Variants in KDM6B observed in about 807,000 individuals in gnomAD.
KDM6B encodes the protein lysine demethylase 6B.
KDM6B carries 22 observed loss-of-function variants against 150.4 expected under a neutral mutation model. That is an observed-to-expected ratio of 0.15 (90% CI 0.10 to 0.21). The LOEUF (loss-of-function observed/expected upper bound fraction) is 0.21. KDM6B is among the 10% of genes least tolerant of loss of function. The pLI is 1.00. For synonymous variants in KDM6B, 1,148 were observed against 921.1 expected, an observed-to-expected ratio of 1.25 and a Z score of -4.46; for missense variants, 1,984 against 2,234.3, an observed-to-expected ratio of 0.89 and a Z score of 2.26.
Position 7,846,102 on chromosome 17 carries a change from T to C in KDM6B, c.261T>C (p.His87=), listed in dbSNP as rs1293560513. The C allele has an allele frequency of 7.6e-6, 10 of 1,324,286 alleles. No individual in the cohort carries two copies. The highest frequency in any genetic ancestry group is 1.0e-5 in the Non-Finnish European group (10 of 1,003,586). 82.0% of individuals were successfully genotyped at this position (1,324,286 alleles called of 1,614,324 possible). A position where few individuals can be genotyped will look rare whatever the true frequency, so the allele number is the denominator to read the frequency against. Residue 87 remains histidine (H), a synonymous_variant, in exon 7 of 24, where the codon CAT becomes CAC. Transcript: ENST00000448097. The part of the protein sequence containing the change: ...APGAPTPRPL[H]GKLESLHGCV... ...GGGCGCCCACTCCAAGACCCCTCCA[T>C]GGGAAGCTGGAATCCCTGCATGGCT...
At chr17:7,852,372 G>C in intron 20 of KDM6B, 36 bp downstream of exon 20, 2 of 1,597,676 alleles carry the variant, frequency 1.3e-6, no homozygotes, top group Non-Finnish European at 1.7e-6. Flanking sequence ...GTGGTGTGGC[G>C]CCTCAGCGGC....
chr17:7,850,258 G>A, intron 14 of KDM6B, 81 bp downstream of exon 14: 2 of 1,156,292 alleles, frequency 1.7e-6, no homozygotes, highest in South Asian at 1.4e-5. Flanking sequence ...TCCCACACTT[G>A]AAGACTCATG....
chr17:7,845,414 G>A lies in KDM6B; in HGVS notation c.-48G>A, dbSNP rs895747854. ...TCGTCCCAGAGAGCTGGGGCAGGGG[G>A]CCGTGCCCAATCTCCAGGGCTCCTG... On this transcript the variant is annotated 5_prime_UTR_variant, in exon 4 of 24. Coordinates refer to ENST00000448097, the MANE Select transcript of KDM6B (RefSeq NM_001348716.2). The A allele has an allele frequency of 2.9e-6, 3 of 1,030,794 alleles. No homozygotes were observed. The highest frequency in any genetic ancestry group is 1.6e-5 in the African/African-American group (1 of 63,578). 63.9% of individuals were successfully genotyped at this position (1,030,794 alleles called of 1,614,324 possible).
In KDM6B at chr17:7,845,911, C is replaced by T. The variant is rs1267677891; in HGVS notation, c.177C>T (p.Pro59=). Residue 59 remains proline (P), a synonymous_variant, in exon 6 of 24, where the codon CCC becomes CCT. Coordinates refer to ENST00000448097, the MANE Select transcript of KDM6B (RefSeq NM_001348716.2). ...ASIGQPPLPA[P]LPPSHGSSSG... ...TTGGGCAGCCCCCGCTTCCTGCTCC[C>T]CTACCCCCTTCACATGGCAGTAGTT... The T allele has an allele frequency of 6.2e-7, 1 of 1,614,140 alleles. No individual in the cohort carries two copies. The highest frequency in any genetic ancestry group is 8.5e-7 in the Non-Finnish European group (1 of 1,179,954).
chr17:7,848,692 A>C lies in KDM6B; in HGVS notation c.2404A>C (p.Ser802Arg). 1 of 1,604,552 alleles carries C rather than the reference A, an allele frequency of 6.2e-7. No homozygotes were observed. The highest frequency in any genetic ancestry group is 8.5e-7 in the Non-Finnish European group (1 of 1,177,292). Residue 802 changes from serine (S) to arginine (R), a missense_variant, in exon 12 of 24, where the codon AGC (serine) becomes CGC (arginine). Ser to Arg is a moderately radical substitution (Grantham distance 110, BLOSUM62 -1). Transcript: ENST00000448097. ...ACCACCCCCACCCCCCAGCCCGGCC[A>C]GCCTGCTCAAATCCTTGGCCTCCGT... Reference protein sequence around the residue: ...PPPPPPPSPASLLKSLASVLE... With the variant: ...PPPPPPPSPARLLKSLASVLE...
intron 1 of KDM6B, among the ~76,000 whole-genome samples, chr17:7,837,846 C>G (rs974996864): frequency 1.3e-5 from 2 of 152,002 alleles, no homozygotes; most frequent in African/African-American, 4.8e-5. Context: ...TGGGTCTGCT[C>G]CAAACCAGCG....
chr17:7,839,023 AAT>A (rs1215451818), intron 1 of KDM6B, among the ~76,000 whole-genome samples: 1 of 152,012 alleles, frequency 6.6e-6, no homozygotes, highest in Admixed American at 6.5e-5. Flanking sequence ...AAGGCTAGGG[AAT>A]ATAGAGATTA....
chr17:7,846,959 C>T lies in KDM6B; in HGVS notation c.852C>T (p.Thr284=), dbSNP rs762543949. 7.7e-6 allele frequency: 11 copies of T among 1,428,082 alleles called. No individual in the cohort carries two copies. In the South Asian group the frequency reaches 1.2e-4, roughly 16 times the overall value. 88.5% of individuals were successfully genotyped at this position (1,428,082 alleles called of 1,614,324 possible). The part of the protein sequence containing the change: ...FQLTKPGLWS[T]LHGDAWGPER... ...TAACCAAGCCAGGGCTGTGGAGTAC[C>T]CTGCATGGAGATGCCTGGGGCCCAG... is the stretch of plus-strand genomic sequence containing the variant. The change falls in exon 10 of 24, where the codon ACC becomes ACT. Residue 284 remains threonine, a synonymous_variant. Coordinates refer to ENST00000448097, the MANE Select transcript of KDM6B (RefSeq NM_001348716.2).
intron 22 of KDM6B, 22 bp downstream of exon 22, chr17:7,853,148 C>T (rs776490805): frequency 3.1e-6 from 5 of 1,614,124 alleles, no homozygotes; most frequent in Middle Eastern, 1.6e-4. Context: ...GGCTCTGCTG[C>T]TCTCCCTGAG....
In KDM6B at chr17:7,848,916, G is replaced by A; in HGVS notation, c.2628G>A (p.Gly876=). 6.2e-7 allele frequency: 1 copy of A among 1,602,366 alleles called. No homozygotes were observed. The highest frequency in any genetic ancestry group is 1.1e-5 in the South Asian group (1 of 90,464). Residue 876 remains glycine, a synonymous_variant, in exon 12 of 24, where the codon GGG becomes GGA. Transcript: ENST00000448097. The part of the protein sequence containing the change: ...SSSSQFSTSG[G]PWARERRAGE... ...CATCTCAGTTCTCTACCTCAGGCGG[G>A]CCCTGGGCCCGGGAGCGCAGGGCGG...
In KDM6B at chr17:7,852,326, G is replaced by A. The variant is rs376810507; in HGVS notation, c.4458G>A (p.Gly1486=). 1.1e-5 allele frequency: 18 copies of A among 1,612,828 alleles called. No homozygotes were observed. The highest frequency in any genetic ancestry group is 6.7e-5 in the East Asian group (3 of 44,886). The change falls in exon 20 of 24, where the codon GGG becomes GGA. Residue 1486 remains glycine, a synonymous_variant. Transcript: ENST00000448097. ...GCAACAACATTGCCTGGAACGTGGG[G>A]CCCCTCACCGGTGAGAGGGTGGGGC... ...GWCNNIAWNV[G]PLTAYQYQLA...
At position 7,845,995 on chromosome 17, in the gene KDM6B, G is replaced by A. The variant is rs745514075; in HGVS notation, c.236+25G>A. 6.8e-6 allele frequency: 11 copies of A among 1,610,052 alleles called. No homozygotes were observed. The South Asian group carries it at 9.9e-5, about 14-fold the overall frequency. ...GGTGAGTGGATATTTGAAGGTTCTG[G>A]GAGTGGGAGGTAAGGCTGGGGCCTT... On this transcript the variant is annotated intron_variant, in intron 6 of 23. Coordinates refer to ENST00000448097, the MANE Select transcript of KDM6B (RefSeq NM_001348716.2).
At chr17:7,852,699 G>A in intron 21 of KDM6B, 63 bp downstream of exon 21, 1 of 1,603,328 alleles carries the variant, frequency 6.2e-7, no homozygotes, top group Non-Finnish European at 8.5e-7. Flanking sequence ...TGTTCTTCCT[G>A]TCTGACTCCA....
At position 7,844,719 on chromosome 17, in the gene KDM6B, C is replaced by T. The variant is rs1456750056; in HGVS notation, c.-268-182C>T. 1.3e-5 allele frequency among the ~76,000 whole-genome samples: 2 copies of T among 152,200 alleles called. No individual in the cohort carries two copies. Among genetic ancestry groups the T allele is most frequent in the African/African-American group, 2.4e-5 (1 of 41,446 alleles). On this transcript the variant is annotated intron_variant, in intron 2 of 23. Coordinates refer to ENST00000448097, the MANE Select transcript of KDM6B (RefSeq NM_001348716.2). This position sits in a 1 kb window ranked among gnomAD's most constrained non-coding sequence, Gnocchi z 5.9. ...ACTAACCGGCCTCATCCGCATGCGTCTTGTCCTGGCTGCCTTCTGGCCCTG... is the reference window on the plus strand; with the variant it reads ...ACTAACCGGCCTCATCCGCATGCGTTTTGTCCTGGCTGCCTTCTGGCCCTG...
At position 7,839,147 on chromosome 17, in the gene KDM6B, C is replaced by T. The variant is rs187267769; in HGVS notation, c.-387-759C>T. ...GAGGTGAGGGCCAACTTAGCTCTGA[C>T]CCCTGATGGACACCTGATTCTTGGC... On this transcript the variant is annotated intron_variant, in intron 1 of 23. Coordinates refer to ENST00000448097, the MANE Select transcript of KDM6B (RefSeq NM_001348716.2). Among the ~76,000 whole-genome samples, 487 of 152,228 alleles carry T rather than the reference C, an allele frequency of 3.2e-3. 3 individuals carry two copies. The highest frequency in any genetic ancestry group is 0.022 in the South Asian group (106 of 4,818).
rs1162336521 is a variant in KDM6B, at chr17:7,853,471, G to A, written c.4909-27G>A. The A allele has an allele frequency of 8.0e-6, 12 of 1,507,000 alleles. No homozygotes were observed. The East Asian group carries it at 2.7e-4, about 34-fold the overall frequency. 93.4% of individuals were successfully genotyped at this position (1,507,000 alleles called of 1,614,324 possible). On this transcript the variant is annotated intron_variant, in intron 23 of 23. Coordinates refer to ENST00000448097, the MANE Select transcript of KDM6B (RefSeq NM_001348716.2). ...CGGGAGCCCGGCCGCGCCTTTCCCT[G>A]AGCCCCCGCCGGCTTTCTCCCCCCA...
In KDM6B at chr17:7,842,232, A is replaced by AG. The variant is rs745309209; in HGVS notation, c.-269+2213dup. ...TGGGGCTCCAGCGGGGGCGGGGGGT[A>AG]GGGGGTCGGTTAAAGTCCCGAGTCC... On this transcript the variant is annotated intron_variant, in intron 2 of 23. Transcript: ENST00000448097. Among the ~76,000 whole-genome samples, 46 of 139,828 alleles carry AG rather than the reference A, an allele frequency of 3.3e-4. 1 individual carries two copies. The highest frequency in any genetic ancestry group is 1.2e-3 in the South Asian group (5 of 4,158). The allele number at this position is 139,828 out of a possible 152,430, so 91.7% of individuals were successfully genotyped here.
chr17:7,853,564 C>T lies in KDM6B; in HGVS notation c.*43C>T. ...GCCTGCCTGCCCGCGCAAGGCGCCG[C>T]GGGGCCACCAGCACATGCCTGGGCT... is the stretch of plus-strand genomic sequence containing the variant. On this transcript the variant is annotated 3_prime_UTR_variant, in exon 24 of 24. Coordinates refer to ENST00000448097, the MANE Select transcript of KDM6B (RefSeq NM_001348716.2). 2 of 1,371,136 alleles carry T rather than the reference C, an allele frequency of 1.5e-6. No individual in the cohort carries two copies. Among genetic ancestry groups the T allele is most frequent in the Non-Finnish European group, 1.9e-6 (2 of 1,058,624 alleles). The allele number at this position is 1,371,136 out of a possible 1,614,324, so 84.9% of individuals were successfully genotyped here.
rs1447154531 is a variant in KDM6B, at chr17:7,844,499, G to A, written c.-268-402G>A. The A allele has an allele frequency of 6.6e-6, 1 of 152,348 alleles. No individual in the cohort carries two copies. Among genetic ancestry groups the A allele is most frequent in the Non-Finnish European group, 1.5e-5 (1 of 68,126 alleles). The allele number at this position is 152,348 out of a possible 1,614,324, so 9.4% of individuals were successfully genotyped here. The stretch of plus-strand genomic sequence containing the variant: ...CAGTTAATAGGGGCGCTCGGGGTAG[G>A]GAGGTCTGTCACTGGGCGAGGTGAA... On this transcript the variant is annotated intron_variant, in intron 2 of 23. Coordinates refer to ENST00000448097, the MANE Select transcript of KDM6B (RefSeq NM_001348716.2). The surrounding 1 kb of genome is among the most constrained non-coding windows in gnomAD (Gnocchi z 5.9).
Sources: gnomAD v4.1 joint callset for allele counts (sites outside exome capture counted in the v4.1 genomes callset) on GRCh38, gnomAD v4.1.1 for gene constraint, Gnocchi (gnomAD v3.1) non-coding constraint, MANE v1.5 for transcripts, NCBI Gene and HGNC (gene_info 2026-07-23, HGNC 2026-07-21) for gene names.